The following TPGS1 variants were observed in gnomAD, a reference collection of about 807,000 sequenced individuals.
TPGS1 encodes gene trap ROSA b-geo 22.
TPGS1 carries 18 observed loss-of-function variants against 11.9 expected under a neutral mutation model. That is an observed-to-expected ratio of 1.51 (90% CI 1.04 to 2.24). TPGS1 has a LOEUF of 2.24. TPGS1 is among the 30% of genes most tolerant of loss of function. TPGS1 has a pLI of 0.00. For missense variants in TPGS1, 500 were observed against 443.0 expected (o/e 1.13, Z -1.16); for synonymous variants, 247 against 218.2 (o/e 1.13, Z -1.16).
At chr19:518,729 T>A (rs1303575296) in intron 1 of TPGS1, among the ~76,000 whole-genome samples, 160 bp from the exon 2 acceptor site, 1 of 85,820 alleles carries the variant, frequency 1.2e-5, no homozygotes, top group Non-Finnish European at 2.3e-5. Flanking sequence ...GGATAGAGGG[T>A]GAGGAGGAGG....
intron 1 of TPGS1, among the ~76,000 whole-genome samples, chr19:514,124 G>A (rs1049871447): frequency 7.0e-6 from 1 of 143,374 alleles, no homozygotes; most frequent in Non-Finnish European, 1.5e-5. Context: ...AGCACCTACT[G>A]TACACCAGCC....
chr19:517,387 T>G (rs1600404023), intron 1 of TPGS1, among the ~76,000 whole-genome samples: 7 of 29,190 alleles, frequency 2.4e-4, no homozygotes, highest in East Asian at 1.6e-3. Context: ...GGGTGGAGGC[T>G]GGGAGGGGGG....
chr19:512,942 C>A (rs1978843727), intron 1 of TPGS1, among the ~76,000 whole-genome samples: 1 of 152,246 alleles, frequency 6.6e-6, no homozygotes, highest in South Asian at 2.1e-4. Flanking sequence ...CCAAGAGCCG[C>A]GCGGGTTCCC....
At chr19:512,469 C>A (rs1341828558) in intron 1 of TPGS1, among the ~76,000 whole-genome samples, 1 of 152,244 alleles carries the variant, frequency 6.6e-6, no homozygotes, top group Non-Finnish European at 1.5e-5. Flanking sequence ...CCACCCACCC[C>A]CCACCAAGGG....
At chr19:514,228 C>T (rs571203730) in intron 1 of TPGS1, among the ~76,000 whole-genome samples, 10 of 150,348 alleles carry the variant, frequency 6.7e-5, no homozygotes, top group African/African-American at 9.8e-5. Context: ...CACTGCACAC[C>T]GCCCCAGCAT....
Position 518,899 on chromosome 19 carries a change from A to G in TPGS1, c.349A>G (p.Asn117Asp). The G allele has an allele frequency of 6.5e-7, 1 of 1,533,444 alleles. No individual in the cohort carries two copies. Among genetic ancestry groups the G allele is most frequent in the Non-Finnish European group, 8.7e-7 (1 of 1,148,122 alleles). 95.0% of individuals were successfully genotyped at this position (1,533,444 alleles called of 1,614,324 possible). A position where few individuals can be genotyped will look rare whatever the true frequency, so the allele number is the denominator to read the frequency against. The change falls in exon 2 of 2, where the codon AAC (asparagine) becomes GAC (aspartate). Residue 117 changes from asparagine (N) to aspartate (D), a missense_variant. Physicochemically the swap from Asn to Asp is conservative, Grantham distance 23. Coordinates refer to ENST00000359315, the MANE Select transcript of TPGS1 (RefSeq NM_033513.3). ...LAHHSQRAAF[N>D]NNVSVAYECL... is the part of the protein sequence containing the mutation. Reference sequence around the variant, plus strand: ...TCCCCGTCTCCGCAGGGCCGCCTTCAACAACAACGTGAGCGTGGCCTACGA... The same window carrying G: ...TCCCCGTCTCCGCAGGGCCGCCTTCGACAACAACGTGAGCGTGGCCTACGA...
intron 1 of TPGS1, among the ~76,000 whole-genome samples, chr19:514,970 C>G (rs145005394): frequency 6.6e-6 from 1 of 152,238 alleles, no homozygotes; most frequent in Non-Finnish European, 1.5e-5. Context: ...AGGCTCCTCA[C>G]TGGGGCAGGG....
chr19:516,007 G>C (rs899769463), intron 1 of TPGS1, among the ~76,000 whole-genome samples: 1 of 150,982 alleles, frequency 6.6e-6, no homozygotes, highest in Non-Finnish European at 1.5e-5. Context: ...ACTCCAGCCC[G>C]GGCGACAGAG....
intron 1 of TPGS1, among the ~76,000 whole-genome samples, chr19:513,747 T>G (rs144810121): frequency 1.6e-5 from 1 of 64,130 alleles, no homozygotes; most frequent in Admixed American, 1.7e-4. Context: ...CATTACTGAG[T>G]ACCTACTGCA....
At chr19:515,580 A>G (rs35206766) in intron 1 of TPGS1, among the ~76,000 whole-genome samples, 27,516 of 151,456 alleles carry the variant, frequency 0.18, 3,512 homozygotes, top group African/African-American at 0.37. Flanking sequence ...TCTACTAAAA[A>G]TACAAAAATT....
chr19:516,618 T>C (rs1978963596), intron 1 of TPGS1, among the ~76,000 whole-genome samples: 1 of 152,110 alleles, frequency 6.6e-6, no homozygotes, highest in Non-Finnish European at 1.5e-5. Context: ...CTCTTGACCT[T>C]GTGATCCTCC....
intron 1 of TPGS1, among the ~76,000 whole-genome samples, chr19:510,541 T>C (rs569697395): frequency 0.052 from 7,824 of 151,420 alleles, 656 homozygotes; most frequent in African/African-American, 0.18. Context: ...TTTTGAGAAA[T>C]GGCAAGCTCC....
At chr19:516,018 C>T (rs1168297388) in intron 1 of TPGS1, among the ~76,000 whole-genome samples, 3 of 140,466 alleles carry the variant, frequency 2.1e-5, no homozygotes, top group Admixed American at 7.7e-5. Context: ...GGCGACAGAG[C>T]GAGACTCCGT....
chr19:518,828 G>A, intron 1 of TPGS1, 61 bp from the exon 2 acceptor site: 1 of 1,441,548 alleles, frequency 6.9e-7, no homozygotes, highest in Non-Finnish European at 9.1e-7. Context: ...GGCGAGGAGG[G>A]GAGGCTGGGG....
chr19:508,105 G>A (rs1376452102), intron 1 of TPGS1: 1 of 378,244 alleles, frequency 2.6e-6, no homozygotes, highest in African/African-American at 2.1e-5. Context: ...TTTTGCAGGT[G>A]CTGAGTTTCC....
chr19:511,935 G>A (rs963594162), intron 1 of TPGS1, among the ~76,000 whole-genome samples: 4 of 152,066 alleles, frequency 2.6e-5, no homozygotes, highest in African/African-American at 9.7e-5. Context: ...GCAGTGGCGC[G>A]ATCTCGGCTC....
intron 1 of TPGS1, 93 bp from the exon 2 acceptor site, chr19:518,796 G>T: frequency 7.5e-7 from 1 of 1,341,262 alleles, no homozygotes; most frequent in East Asian, 2.9e-5. Context: ...CTGGGGGGTC[G>T]GGGAGGCTAG....
chr19:519,279 C>T lies in TPGS1; in HGVS notation c.729C>T (p.Ala243=), dbSNP rs1418874932. Residue 243 remains alanine, a synonymous_variant, in exon 2 of 2, where the codon GCC becomes GCT. Coordinates refer to ENST00000359315, the MANE Select transcript of TPGS1 (RefSeq NM_033513.3). ...CCGCGCCCGCGCGCTTCCTGGAGGC[C>T]GGCTCGCGCTTGGGGCCCGACAGCC... ...DAAAPARFLE[A]GSRLGPDSLA... 48 of 1,193,488 alleles carry T rather than the reference C, an allele frequency of 4.0e-5. No homozygotes were observed. The highest frequency in any genetic ancestry group is 2.8e-5 in the Non-Finnish European group (27 of 964,854). The allele number at this position is 1,193,488 out of a possible 1,614,324, so 73.9% of individuals were successfully genotyped here. A position where few individuals can be genotyped will look rare whatever the true frequency, so the allele number is the denominator to read the frequency against.
intron 1 of TPGS1, among the ~76,000 whole-genome samples, chr19:518,614 G>A (rs1463076676): frequency 3.0e-5 from 4 of 131,350 alleles, no homozygotes; most frequent in South Asian, 5.3e-4. Flanking sequence ...GGAGAGGCCC[G>A]GGCTGGGGAT....
Sources: gnomAD v4.1 joint callset for allele counts (sites outside exome capture counted in the v4.1 genomes callset) on GRCh38, gnomAD v4.1.1 for gene constraint, MANE v1.5 for transcripts, NCBI Gene and HGNC (gene_info 2026-07-23, HGNC 2026-07-21) for gene names.